Variants in FRMD4B observed in about 807,000 individuals in gnomAD.
FRMD4B encodes FERM domain-containing protein 4B.
In FRMD4B, 74 loss-of-function variants were observed where a neutral mutation model predicts 141.5. The observed-to-expected ratio is 0.52, with a 90% CI of 0.43 to 0.63. The LOEUF (loss-of-function observed/expected upper bound fraction) is 0.63, where lower values mean the gene tolerates loss of function less well. Among genes scored for constraint, FRMD4B ranks in the 30% least tolerant of loss-of-function variants. FRMD4B has a pLI of 0.00. For missense variants in FRMD4B, 1,366 were observed against 1,253.4 expected (o/e 1.09, Z -1.36); for synonymous variants, 506 against 467.9 (o/e 1.08, Z -1.05).
chr3:69,531,706 T>C (rs1701011327), intron 1 of FRMD4B, among the ~76,000 whole-genome samples: 1 of 152,212 alleles, frequency 6.6e-6, no homozygotes, highest in Non-Finnish European at 1.5e-5. Flanking sequence ...ATCATTTTCA[T>C]AGCTTTTCTC....
chr3:69,401,929 G>A (rs1328491479), intron 2 of FRMD4B, among the ~76,000 whole-genome samples: 1 of 152,144 alleles, frequency 6.6e-6, no homozygotes, highest in East Asian at 1.9e-4. Context: ...ACAGACTTCA[G>A]AAAAACTTTT....
intron 1 of FRMD4B, among the ~76,000 whole-genome samples, chr3:69,504,110 T>C (rs1287045101): frequency 6.6e-6 from 1 of 152,208 alleles, no homozygotes; most frequent in Non-Finnish European, 1.5e-5. Context: ...TGAGACCTTC[T>C]TCTAAAGCTT....
At chr3:69,294,071 C>T (rs1378077986) in intron 4 of FRMD4B, among the ~76,000 whole-genome samples, 1 of 152,090 alleles carries the variant, frequency 6.6e-6, no homozygotes, top group Non-Finnish European at 1.5e-5. Flanking sequence ...AGGGCCTTTG[C>T]GAGGTCCCAG....
At chr3:69,373,852 C>T (rs1575773323) in intron 1 of FRMD4B, among the ~76,000 whole-genome samples, 2 of 152,160 alleles carry the variant, frequency 1.3e-5, no homozygotes, top group African/African-American at 4.8e-5. Context: ...TAGCCTGAGA[C>T]ACAAAATAAG....
At chr3:69,194,962 A>C (rs911504478) in intron 16 of FRMD4B, 60 bp downstream of exon 16, 1 of 1,506,480 alleles carries the variant, frequency 6.6e-7, no homozygotes, top group Non-Finnish European at 9.1e-7. Flanking sequence ...AATGTCCACT[A>C]CACTCAGACA....
At chr3:69,451,601 G>A (rs1245088302) in intron 1 of FRMD4B, among the ~76,000 whole-genome samples, 1 of 152,188 alleles carries the variant, frequency 6.6e-6, no homozygotes, top group Non-Finnish European at 1.5e-5. Context: ...ACAGAACATG[G>A]CAAAGCTGAG....
At chr3:69,279,021 T>C (rs1313023291) in intron 5 of FRMD4B, among the ~76,000 whole-genome samples, 1 of 151,754 alleles carries the variant, frequency 6.6e-6, no homozygotes, top group Non-Finnish European at 1.5e-5. Flanking sequence ...TCAGACACAT[T>C]ACCTTTAAAT....
intron 1 of FRMD4B, among the ~76,000 whole-genome samples, chr3:69,349,323 A>G (rs1030060288): frequency 6.6e-6 from 1 of 152,226 alleles, no homozygotes; most frequent in African/African-American, 2.4e-5. Flanking sequence ...GAAATAAAAG[A>G]GGACACAAAC....
At chr3:69,223,878 C>G (rs781013851) in intron 8 of FRMD4B, among the ~76,000 whole-genome samples, 1 of 152,088 alleles carries the variant, frequency 6.6e-6, no homozygotes, top group Non-Finnish European at 1.5e-5. Context: ...AATGACATGG[C>G]TAGAAGTTTC....
intron 1 of FRMD4B, among the ~76,000 whole-genome samples, chr3:69,331,952 G>C (rs1426169568): frequency 6.6e-6 from 1 of 152,146 alleles, no homozygotes; most frequent in African/African-American, 2.4e-5. Flanking sequence ...GCCTAGCGCA[G>C]TGGCTGGTGC....
At chr3:69,525,827 ATT>A (rs113241532) in intron 1 of FRMD4B, among the ~76,000 whole-genome samples, 4 of 142,814 alleles carry the variant, frequency 2.8e-5, no homozygotes, top group African/African-American at 1.0e-4. Context: ...TAAGTTTTGT[ATT>A]TTTTTTTTTT....
intron 2 of FRMD4B, among the ~76,000 whole-genome samples, chr3:69,398,400 T>G (rs1422000874): frequency 6.6e-6 from 1 of 152,244 alleles, no homozygotes; most frequent in Non-Finnish European, 1.5e-5. Flanking sequence ...TTCTTTGTGC[T>G]GGGAATATTC....
intron 1 of FRMD4B, among the ~76,000 whole-genome samples, chr3:69,352,845 C>T (rs967479348): frequency 3.3e-5 from 5 of 152,120 alleles, no homozygotes; most frequent in Non-Finnish European, 7.4e-5. Flanking sequence ...TTTCCTTCTT[C>T]TTTCTGGAGG....
rs117328030 is a variant in FRMD4B, at chr3:69,340,211, T to C, written c.163-26694A>G. Among the ~76,000 whole-genome samples the C allele has an allele frequency of 2.8e-4, 42 of 152,224 alleles. No individual in the cohort carries two copies. The East Asian group carries it at 8.1e-3, about 29-fold the overall frequency. ...CAGGGGTACATGTACAGGTTTGTTG[T>C]AAAGGTAAACTCATGTCATGGGGGT... On this transcript the variant is annotated intron_variant, in intron 1 of 22. Coordinates refer to ENST00000398540, the MANE Select transcript of FRMD4B (RefSeq NM_015123.3).
upstream of FRMD4B, chr3:69,386,347 C>T (rs1704254803): frequency 4.9e-6 from 1 of 202,514 alleles, no homozygotes; most frequent in East Asian, 1.1e-4. Flanking sequence ...GGGCGCGGGG[C>T]AGGGACGGAA....
Position 69,319,858 on chromosome 3 carries a change from A to T in FRMD4B, c.163-6341T>A, listed in dbSNP as rs1167980995. ...CTGTAAAGTGACAAATGGTGAGAAAACTTCCCACGCAGCCCATTTTCGATG... is the reference window on the plus strand; with the variant it reads ...CTGTAAAGTGACAAATGGTGAGAAATCTTCCCACGCAGCCCATTTTCGATG... On this transcript the variant is annotated intron_variant, in intron 1 of 22. Transcript: ENST00000398540. Among the ~76,000 whole-genome samples the T allele has an allele frequency of 4.6e-5, 7 of 152,210 alleles. 1 individual carries two copies. The highest frequency in any genetic ancestry group is 3.3e-4 in the Admixed American group (5 of 15,280).
At chr3:69,282,874 T>C (rs978500151) in intron 5 of FRMD4B, among the ~76,000 whole-genome samples, 7 of 152,024 alleles carry the variant, frequency 4.6e-5, no homozygotes, top group African/African-American at 1.4e-4. Flanking sequence ...TGACCTCAAG[T>C]GATCCACCCG....
intron 5 of FRMD4B, among the ~76,000 whole-genome samples, chr3:69,263,063 G>C (rs1051797757): frequency 6.6e-6 from 1 of 151,734 alleles, no homozygotes; most frequent in African/African-American, 2.4e-5. Context: ...GTTCGAGACC[G>C]GCCTGACCAA....
At chr3:69,471,233 C>T (rs1705885236) in intron 1 of FRMD4B, among the ~76,000 whole-genome samples, 1 of 152,088 alleles carries the variant, frequency 6.6e-6, no homozygotes, top group South Asian at 2.1e-4. Context: ...TAAGTCCCAG[C>T]CTCATTCCTT....
Sources: gnomAD v4.1 joint callset for allele counts (sites outside exome capture counted in the v4.1 genomes callset) on GRCh38, gnomAD v4.1.1 for gene constraint, MANE v1.5 for transcripts, NCBI Gene and HGNC (gene_info 2026-07-23, HGNC 2026-07-21) for gene names.